IL5RA: variants seen among roughly 807,000 people sequenced by gnomAD.
IL5RA encodes the protein interleukin 5 receptor subunit alpha.
In IL5RA, 49 loss-of-function variants were observed where a neutral mutation model predicts 50.0. That is an observed-to-expected ratio of 0.98 (90% confidence interval 0.78 to 1.24). The LOEUF is 1.24. IL5RA is among the 50% of genes most tolerant of loss of function. IL5RA has a pLI of 0.00. For missense variants in IL5RA, 600 were observed against 500.4 expected (o/e 1.20, Z -1.90); for synonymous variants, 202 against 174.0 (o/e 1.16, Z -1.26).
At chr3:3,079,846 C>A (rs1702605631) in intron 9 of IL5RA, among the ~76,000 whole-genome samples, 4 of 152,206 alleles carry the variant, frequency 2.6e-5, no homozygotes, top group Non-Finnish European at 5.9e-5. Flanking sequence ...CCAGCCTGGC[C>A]AACATGGTGA....
At chr3:3,097,763 A>T in intron 7 of IL5RA, 107 bp downstream of exon 7, 4 of 1,211,548 alleles carry the variant, frequency 3.3e-6, no homozygotes, top group East Asian at 2.5e-5. Flanking sequence ...TCTGATGCTT[A>T]CTTGGCATCA....
chr3:3,075,666 TCTTGGCTCACTATAGCCTCCAACTCC>T (rs1702453591), intron 10 of IL5RA, among the ~76,000 whole-genome samples: 1 of 151,584 alleles, frequency 6.6e-6, no homozygotes, highest in Non-Finnish European at 1.5e-5. Context: ...AATGGTACGA[TCTTGGCTCACTATAGCCTCCAACTCC>T]CAGGTTCAAG....
At chr3:3,095,875 C>T (rs1410537199) in intron 7 of IL5RA, among the ~76,000 whole-genome samples, 2 of 152,142 alleles carry the variant, frequency 1.3e-5, no homozygotes, top group Non-Finnish European at 2.9e-5. Flanking sequence ...ATCACTTCCC[C>T]TTTCTGAGAT....
At chr3:3,076,468 TA>T in intron 10 of IL5RA, 62 bp downstream of exon 10, 1 of 1,047,734 alleles carries the variant, frequency 9.5e-7, no homozygotes, top group Non-Finnish European at 1.5e-6. Flanking sequence ...GGATGCATGG[TA>T]AGCCTGTAAA....
chr3:3,095,175 A>G, intron 8 of IL5RA, 124 bp downstream of exon 8: 2 of 678,676 alleles, frequency 2.9e-6, no homozygotes, highest in Non-Finnish European at 5.0e-6. Context: ...ACCTGGGTAG[A>G]TTAAGTTAAC....
intron 5 of IL5RA, among the ~76,000 whole-genome samples, chr3:3,101,347 G>A (rs1239739248): frequency 6.6e-6 from 1 of 152,152 alleles, no homozygotes; most frequent in African/African-American, 2.4e-5. Context: ...GCACCCACAT[G>A]TCCCAGGACT....
At chr3:3,083,448 T>C (rs530030827) in intron 9 of IL5RA, among the ~76,000 whole-genome samples, 134 of 152,298 alleles carry the variant, frequency 8.8e-4, no homozygotes, top group Admixed American at 2.6e-3. Flanking sequence ...TTTGTGTGCA[T>C]GCGTGTATTT....
intron 11 of IL5RA, among the ~76,000 whole-genome samples, chr3:3,072,590 T>C (rs1416873555): frequency 6.6e-6 from 1 of 152,192 alleles, no homozygotes. Context: ...GATGTTCCAT[T>C]AAGAGGCCAG....
At chr3:3,082,262 T>G (rs1316307917) in intron 9 of IL5RA, among the ~76,000 whole-genome samples, 1 of 152,160 alleles carries the variant, frequency 6.6e-6, no homozygotes, top group South Asian at 2.1e-4. Flanking sequence ...GTCTCCAACC[T>G]TGGAGATTAA....
chr3:3,076,702 CTTGGG>C, intron 9 of IL5RA, 75 bp from the exon 10 acceptor site: 4 of 923,282 alleles, frequency 4.3e-6, no homozygotes, highest in Non-Finnish European at 6.8e-6. Context: ...AATGATGAGG[CTTGGG>C]TCATCAGACA....
chr3:3,101,547 T>G (rs935632849), intron 5 of IL5RA, 145 bp downstream of exon 5: 3 of 692,116 alleles, frequency 4.3e-6, no homozygotes, highest in Non-Finnish European at 7.0e-6. Flanking sequence ...GGCAGCAGCC[T>G]TGGTTAGGAT....
intron 9 of IL5RA, among the ~76,000 whole-genome samples, chr3:3,079,316 A>G (rs1489007352): frequency 6.6e-6 from 1 of 152,128 alleles, no homozygotes; most frequent in Non-Finnish European, 1.5e-5. Context: ...TCAAAACCAA[A>G]CGCATGTTCT....
Position 3,092,747 on chromosome 3 carries a change from A to G in IL5RA, c.856-385T>C, listed in dbSNP as rs543561786. ...ATGTCACATGAACGCTAGATTGTCTAGTGTTGAAATGAAGCTATTTTCTCA... is the reference window on the plus strand; with the variant it reads ...ATGTCACATGAACGCTAGATTGTCTGGTGTTGAAATGAAGCTATTTTCTCA... On this transcript the variant is annotated intron_variant, in intron 8 of 11. Coordinates refer to ENST00000446632, the MANE Select transcript of IL5RA (RefSeq NM_175726.4). This position sits in a 1 kb window ranked among gnomAD's most constrained non-coding sequence, Gnocchi z 4.2. Among the ~76,000 whole-genome samples the G allele has an allele frequency of 1.3e-5, 2 of 152,234 alleles. No individual in the cohort carries two copies. Among genetic ancestry groups the G allele is most frequent in the African/African-American group, 2.4e-5 (1 of 41,530 alleles).
rs1702226113 is a variant in IL5RA at position 3,069,526 on chromosome 3, G to A, written c.*699C>T. On this transcript the variant is annotated 3_prime_UTR_variant, in exon 12 of 12. Transcript: ENST00000446632. Reference sequence around the variant, plus strand: ...AGAATATAATATTTGAACAAAATCTGTCGTCTCTTTTGATATGGGGTGATA... The same window carrying A: ...AGAATATAATATTTGAACAAAATCTATCGTCTCTTTTGATATGGGGTGATA... 1 of 152,200 alleles carries A rather than the reference G, an allele frequency of 6.6e-6. No homozygotes were observed. 9.4% of individuals were successfully genotyped at this position (152,200 alleles called of 1,614,324 possible).
intron 9 of IL5RA, among the ~76,000 whole-genome samples, chr3:3,085,523 A>G (rs1702821003): frequency 6.6e-6 from 1 of 152,206 alleles, no homozygotes; most frequent in African/African-American, 2.4e-5. Flanking sequence ...GCAAGGAATC[A>G]GGTTGGAGCT....
At chr3:3,078,789 C>T (rs970182796) in intron 9 of IL5RA, among the ~76,000 whole-genome samples, 1 of 151,232 alleles carries the variant, frequency 6.6e-6, no homozygotes, top group Non-Finnish European at 1.5e-5. Flanking sequence ...AGCTGAGATC[C>T]CGCCACTGCA....
At chr3:3,100,398 C>T (rs1016471190) in intron 5 of IL5RA, among the ~76,000 whole-genome samples, 1 of 152,158 alleles carries the variant, frequency 6.6e-6, no homozygotes, top group Non-Finnish European at 1.5e-5. Flanking sequence ...TTGACTTATT[C>T]AGTTCATGTA....
At chr3:3,102,947 T>C in intron 3 of IL5RA, 127 bp from the exon 4 acceptor site, 1 of 648,486 alleles carries the variant, frequency 1.5e-6, no homozygotes, top group Non-Finnish European at 2.5e-6. Context: ...CAGACACAGT[T>C]GCTCCTGCGT....
intron 5 of IL5RA, among the ~76,000 whole-genome samples, chr3:3,101,131 A>G (rs920623453): frequency 6.6e-6 from 1 of 151,802 alleles, no homozygotes; most frequent in Non-Finnish European, 1.5e-5. Flanking sequence ...GTGAGTCAAG[A>G]ACACACCACT....
Sources: allele counts gnomAD v4.1 joint callset (sites outside exome capture counted in the v4.1 genomes callset), GRCh38; gene constraint gnomAD v4.1.1; non-coding constraint Gnocchi (gnomAD v3.1); transcripts MANE v1.5; gene names NCBI Gene and HGNC (gene_info 2026-07-23, HGNC 2026-07-21).